Variants in C1orf105 observed in about 807,000 individuals in gnomAD.
The protein encoded by C1orf105 is chromosome 1 open reading frame 105, also known as uncharacterized protein C1orf105.
In C1orf105, 17 loss-of-function variants were observed where a neutral mutation model predicts 20.8. That is an observed-to-expected ratio of 0.82 (90% CI 0.56 to 1.23). The LOEUF is 1.23. C1orf105 is among the 50% of genes most tolerant of loss of function. C1orf105 has a pLI of 0.00. For synonymous variants in C1orf105, 72 were observed against 72.1 expected, an observed-to-expected ratio of 1.00 and a Z score of 0.01; for missense variants, 219 against 213.5, an observed-to-expected ratio of 1.03 and a Z score of -0.16.
At chr1:172,442,165 G>C in intron 1 of C1orf105, 1 of 1,614,180 alleles carries the variant, frequency 6.2e-7, no homozygotes, top group Non-Finnish European at 8.5e-7. Context: ...CATGAAGACT[G>C]ACATGGCATA....
chr1:172,462,274 A>T, intron 5 of C1orf105, 29 bp downstream of exon 5: 1 of 1,522,172 alleles, frequency 6.6e-7, no homozygotes, highest in Non-Finnish European at 9.0e-7. Context: ...TCAGGACATG[A>T]CTTAATTCTT....
chr1:172,454,379 C>A (rs566326510), intron 3 of C1orf105, among the ~76,000 whole-genome samples: 1 of 151,656 alleles, frequency 6.6e-6, no homozygotes, highest in East Asian at 1.9e-4. Flanking sequence ...CAGAAATGTA[C>A]CTCACTCTCA....
chr1:172,421,509 T>A (rs1262401788), intron 1 of C1orf105, among the ~76,000 whole-genome samples: 1 of 152,112 alleles, frequency 6.6e-6, no homozygotes, highest in East Asian at 1.9e-4. Context: ...GTTGAAAATA[T>A]TGTAAGTCAA....
chr1:172,434,113 A>G (rs2071960268), intron 1 of C1orf105, among the ~76,000 whole-genome samples: 2 of 152,242 alleles, frequency 1.3e-5, no homozygotes, highest in South Asian at 2.1e-4. Context: ...GCAAGTCCTT[A>G]GAGACCTACA....
intron 1 of C1orf105, chr1:172,441,899 C>G: frequency 6.2e-7 from 1 of 1,614,156 alleles, no homozygotes. Context: ...GACAGTAGGC[C>G]TCCCACGGCT....
chr1:172,459,899 A>G (rs1156972347), intron 4 of C1orf105, among the ~76,000 whole-genome samples: 1 of 152,234 alleles, frequency 6.6e-6, no homozygotes, highest in Non-Finnish European at 1.5e-5. Context: ...ATGCTATAAC[A>G]TGGATGAACC....
intron 1 of C1orf105, among the ~76,000 whole-genome samples, chr1:172,433,766 A>G (rs931296744): frequency 1.3e-5 from 2 of 152,234 alleles, no homozygotes; most frequent in Admixed American, 6.5e-5. Context: ...TTAACTTTAA[A>G]TGTAAATGGT....
intron 1 of C1orf105, chr1:172,443,884 G>A: frequency 1.1e-6 from 1 of 873,614 alleles, no homozygotes; most frequent in Non-Finnish European, 1.4e-6. Flanking sequence ...TTTTGGGTGG[G>A]CCTCCCACTT....
intron 3 of C1orf105, 39 bp from the exon 4 acceptor site, chr1:172,456,376 A>C (rs1297861838): frequency 1.3e-6 from 2 of 1,567,912 alleles, no homozygotes; most frequent in South Asian, 2.2e-5. Flanking sequence ...TACATGCCCC[A>C]CCATTTCCTC....
At chr1:172,452,379 A>G (rs1304831348) in intron 3 of C1orf105, among the ~76,000 whole-genome samples, 1 of 152,206 alleles carries the variant, frequency 6.6e-6, no homozygotes, top group Non-Finnish European at 1.5e-5. Context: ...TGGGAAGGAG[A>G]AAAGAAACAG....
At chr1:172,432,265 T>C (rs1473254209) in intron 1 of C1orf105, among the ~76,000 whole-genome samples, 3 of 152,188 alleles carry the variant, frequency 2.0e-5, no homozygotes, top group African/African-American at 7.2e-5. Flanking sequence ...ATTTGAACTC[T>C]GAGAATAGAC....
In C1orf105 at chr1:172,425,149, C is replaced by T. The variant is rs1359604970; in HGVS notation, c.21+4243C>T. Reference sequence around the variant, plus strand: ...CTGGATGTTACTTGATTCTCAATGCCAGTTGGTTCCATTTGGTGGCAGAAA... The same window carrying T: ...CTGGATGTTACTTGATTCTCAATGCTAGTTGGTTCCATTTGGTGGCAGAAA... On this transcript the variant is annotated intron_variant, in intron 1 of 6. Transcript: ENST00000367727. Among the ~76,000 whole-genome samples, 4 of 152,278 alleles carry T rather than the reference C, an allele frequency of 2.6e-5. No individual in the cohort carries two copies. In the East Asian group the frequency reaches 7.7e-4, roughly 29 times the overall value.
chr1:172,423,515 T>C (rs949904216), intron 1 of C1orf105, among the ~76,000 whole-genome samples: 1 of 152,030 alleles, frequency 6.6e-6, no homozygotes, highest in Non-Finnish European at 1.5e-5. Context: ...CTGGAAAACA[T>C]TCCGAAGAAG....
intron 3 of C1orf105, chr1:172,452,824 G>A: frequency 1.4e-6 from 2 of 1,398,298 alleles, no homozygotes; most frequent in Non-Finnish European, 1.9e-6. Flanking sequence ...TGGGAAATGA[G>A]GGCCCCATTA....
chr1:172,449,143 G>A (rs1648331126), intron 3 of C1orf105, among the ~76,000 whole-genome samples: 1 of 152,136 alleles, frequency 6.6e-6, no homozygotes, highest in South Asian at 2.1e-4. Flanking sequence ...TAAGGCACTC[G>A]ACACGGTGCC....
At chr1:172,448,967 C>G (rs941348295) in intron 3 of C1orf105, among the ~76,000 whole-genome samples, 3 of 152,136 alleles carry the variant, frequency 2.0e-5, no homozygotes, top group African/African-American at 4.8e-5. Flanking sequence ...CCAGGTGACC[C>G]TCGGTGTCAC....
At chr1:172,444,282 C>G in intron 1 of C1orf105, 1 of 985,424 alleles carries the variant, frequency 1.0e-6, no homozygotes, top group Non-Finnish European at 1.2e-6. Context: ...ATCTGAAGGA[C>G]TGGGTAAGGC....
At chr1:172,462,778 G>T (rs1017012747) in intron 5 of C1orf105, among the ~76,000 whole-genome samples, 2 of 151,844 alleles carry the variant, frequency 1.3e-5, no homozygotes, top group East Asian at 1.9e-4. Flanking sequence ...GTTTGGTTTG[G>T]TTTTTTCTTT....
chr1:172,426,875 C>T (rs2071737209), intron 1 of C1orf105, among the ~76,000 whole-genome samples: 1 of 152,206 alleles, frequency 6.6e-6, no homozygotes. Context: ...CCTTGCCCTT[C>T]TCTCAATTTG....
Sources: allele counts gnomAD v4.1 joint callset (sites outside exome capture counted in the v4.1 genomes callset), GRCh38; gene constraint gnomAD v4.1.1; transcripts MANE v1.5; gene names NCBI Gene and HGNC (gene_info 2026-07-23, HGNC 2026-07-21).